Variants in TTN observed in about 807,000 individuals in gnomAD.
TTN encodes the protein titin.
In TTN, 1,525 loss-of-function variants were observed where a neutral mutation model predicts 3,223.0. The observed-to-expected ratio is 0.47, with a 90% confidence interval of 0.45 to 0.49. The LOEUF (loss-of-function observed/expected upper bound fraction) is 0.49. Among genes scored for constraint, TTN ranks in the 20% least tolerant of loss-of-function variants. The probability of loss-of-function intolerance (pLI) is 0.00; values close to 1 mark genes in which losing one functional copy is unlikely to be tolerated. For synonymous variants in TTN, 14,094 were observed against 15,161.0 expected, an observed-to-expected ratio of 0.93 and a Z score of 5.17; for missense variants, 40,786 against 43,424.0, an observed-to-expected ratio of 0.94 and a Z score of 5.40.
rs2092386861 is a variant in TTN, at chr2:178,777,797, G to C, written c.4387C>G (p.Pro1463Ala). The stretch of plus-strand genomic sequence containing the variant: ...CCTTCTAAACATTTGAAAGAAACAG[G>C]TTTTAACACAAAGACTGGTTTATAT... Reference protein sequence around the residue: ...RLYKPVFVLKPVSFKCLEGQT... With the variant: ...RLYKPVFVLKAVSFKCLEGQT... The change falls in exon 25 of 363, where the codon CCT becomes GCT. Residue 1463 changes from proline to alanine, a missense_variant. Physicochemically the swap from Pro to Ala is conservative, Grantham distance 27. Transcript: ENST00000589042. 2 of 1,613,978 alleles carry C rather than the reference G, an allele frequency of 1.2e-6. No homozygotes were observed. Among genetic ancestry groups the C allele is most frequent in the Non-Finnish European group, 1.7e-6 (2 of 1,179,930 alleles).
At chr2:178,680,919 G>T (rs1019408446) in intron 138 of TTN, among the ~76,000 whole-genome samples, 160 bp downstream of exon 138, 4 of 151,946 alleles carry the variant, frequency 2.6e-5, no homozygotes, top group South Asian at 4.2e-4. Context: ...CCTTTTAAAG[G>T]CATTATCTTC....
intron 218 of TTN, 196 bp downstream of exon 218, chr2:178,644,352 T>G: frequency 4.2e-6 from 2 of 475,296 alleles, no homozygotes; most frequent in Non-Finnish European, 7.3e-6. Flanking sequence ...TGTCTATACA[T>G]GTATGAAATG....
In TTN at chr2:178,553,350, A is replaced by G. The variant is rs1559217134; in HGVS notation, c.89550T>C (p.Ile29850=). The G allele has an allele frequency of 6.2e-7, 1 of 1,601,554 alleles. No homozygotes were observed. The highest frequency in any genetic ancestry group is 8.5e-7 in the Non-Finnish European group (1 of 1,176,052). ...DLDVALRTSV[I]AKAGEDVQVL... is the part of the protein sequence containing the mutation. ...CTTGTACATCTTCACCAGCTTTGGC[A>G]ATAACAGAAGTTCTGAGAGCCACAT... The change falls in exon 335 of 363, where the codon ATT becomes ATC. Residue 29850 remains isoleucine, a synonymous_variant. Coordinates refer to ENST00000589042, the MANE Select transcript of TTN (RefSeq NM_001267550.2).
intron 104 of TTN, 25 bp downstream of exon 104, chr2:178,704,852 T>G: frequency 6.2e-7 from 1 of 1,610,882 alleles, no homozygotes; most frequent in Non-Finnish European, 8.5e-7. Context: ...CTTGTTCATT[T>G]TATTATCAAC....
chr2:178,651,040 T>A (rs1056543625), intron 208 of TTN, among the ~76,000 whole-genome samples: 2 of 152,114 alleles, frequency 1.3e-5, no homozygotes, highest in Non-Finnish European at 1.5e-5. Context: ...GTTAGTAAAC[T>A]TTTCCAATGC....
In TTN at chr2:178,593,198, T is replaced by A. The variant is rs2050621372; in HGVS notation, c.59010A>T (p.Lys19670Asn). Reference protein sequence around the residue: ...IGIGDPSPPSKPVFAKDPIAK... With the variant: ...IGIGDPSPPSNPVFAKDPIAK... ...CAATTGGATCTTTAGCAAAGACTGGTTTGGATGGTGGGCTTGGATCTCCAA... is the reference window on the plus strand; with the variant it reads ...CAATTGGATCTTTAGCAAAGACTGGATTGGATGGTGGGCTTGGATCTCCAA... The change falls in exon 299 of 363, where the codon AAA (lysine) becomes AAT (asparagine). Residue 19670 changes from lysine to asparagine, a missense_variant. Physicochemically the swap from Lys to Asn is moderately conservative, Grantham distance 94. Coordinates refer to ENST00000589042, the MANE Select transcript of TTN (RefSeq NM_001267550.2). 6.2e-7 allele frequency: 1 copy of A among 1,613,350 alleles called. No individual in the cohort carries two copies.
At chr2:178,605,844 C>A in intron 278 of TTN, 131 bp from the exon 279 acceptor site, 1 of 850,188 alleles carries the variant, frequency 1.2e-6, no homozygotes, top group Non-Finnish European at 1.6e-6. Context: ...TATTTAAAAT[C>A]ATTCCTAAAA....
chr2:178,538,516 A>G, intron 354 of TTN, 24 bp downstream of exon 354: 1 of 1,582,276 alleles, frequency 6.3e-7, no homozygotes, highest in Non-Finnish European at 8.6e-7. Context: ...GTAAATCATA[A>G]GTAGAGAACC....
rs772598214 is a variant in TTN at position 178,549,754 on chromosome 2, G to A, written c.91968C>T (p.Ile30656=). ...NDGCAPITHY[I]IEKRETSRLA... Reference sequence around the variant, plus strand: ...GTCTGCTGGTTTCCCGTTTTTCAATGATGTAGTGGGTTATGGGAGCACAAC... The same window carrying A: ...GTCTGCTGGTTTCCCGTTTTTCAATAATGTAGTGGGTTATGGGAGCACAAC... Residue 30656 remains isoleucine, a synonymous_variant, in exon 338 of 363, where the codon ATC becomes ATT. Transcript: ENST00000589042. The A allele has an allele frequency of 3.1e-6, 5 of 1,613,604 alleles. No individual in the cohort carries two copies. The African/African-American group carries it at 5.3e-5, about 17-fold the overall frequency.
rs375396510 is a variant in TTN at position 178,724,551 on chromosome 2, G to A, written c.20837-13C>T. On this transcript the variant is annotated splice_polypyrimidine_tract_variant and intron_variant, in intron 71 of 362. Coordinates refer to ENST00000589042, the MANE Select transcript of TTN (RefSeq NM_001267550.2). Reference sequence around the variant, plus strand: ...ATGACTGCGGGCTCTGAAATAAAACGTGATATCCATCTGTCAAAGTCTGGG... The same window carrying A: ...ATGACTGCGGGCTCTGAAATAAAACATGATATCCATCTGTCAAAGTCTGGG... The A allele has an allele frequency of 8.9e-6, 14 of 1,565,102 alleles. No homozygotes were observed. The highest frequency in any genetic ancestry group is 8.2e-5 in the African/African-American group (6 of 73,318).
rs369261182 is a variant in TTN at position 178,535,756 on chromosome 2, C to G, written c.100859G>C (p.Ser33620Thr). 6.3e-5 allele frequency: 101 copies of G among 1,613,080 alleles called. No homozygotes were observed. The highest frequency in any genetic ancestry group is 8.1e-5 in the Non-Finnish European group (96 of 1,179,722). The change falls in exon 358 of 363, where the codon AGT becomes ACT. Residue 33620 changes from serine (S) to threonine (T), a missense_variant. Ser to Thr is a moderately conservative substitution (Grantham distance 58). Transcript: ENST00000589042. ...GEVVSIKIPF[S>T]GKPDPVITWQ... ...GGTGATCACAGGATCTGGTTTGCCA[C>G]TGAAAGGAATCTTGATGCTGACCAC...
Position 178,578,084 on chromosome 2 carries a change from C to T in TTN, c.68431G>A (p.Gly22811Ser). Residue 22811 changes from glycine (G) to serine (S), a missense_variant, in exon 322 of 363, where the codon GGT becomes AGT. Transcript: ENST00000589042. ...ATAACTCGGAATTCATATTCAAGAC[C>T]TTCAGTTAATCCTGTCACTTTAAAG... ...RDFKVTGLTE[G>S]LEYEFRVMAI... 1.9e-6 allele frequency: 3 copies of T among 1,613,278 alleles called. No individual in the cohort carries two copies. The highest frequency in any genetic ancestry group is 1.7e-6 in the Non-Finnish European group (2 of 1,179,462).
Position 178,557,631 on chromosome 2 carries a change from A to G in TTN, c.87706+17T>C, listed in dbSNP as rs765210625. 1.9e-6 allele frequency: 3 copies of G among 1,612,850 alleles called. No homozygotes were observed. The highest frequency in any genetic ancestry group is 2.5e-6 in the Non-Finnish European group (3 of 1,179,564). On this transcript the variant is annotated intron_variant, in intron 328 of 362. Coordinates refer to ENST00000589042, the MANE Select transcript of TTN (RefSeq NM_001267550.2). ...GGTAAAAGAAAACCTGGATCTTTGA[A>G]AAGTTGGACAACTTACTGTATGGTA...
intron 222 of TTN, 103 bp from the exon 223 acceptor site, chr2:178,639,891 A>T (rs2154237360): frequency 6.9e-7 from 1 of 1,443,442 alleles, no homozygotes; most frequent in East Asian, 2.3e-5. Context: ...AAATCTTCAA[A>T]TAACTAGTTT....
rs561992231 is a variant in TTN, at chr2:178,560,973, G to A, written c.85159C>T (p.Pro28387Ser). Residue 28387 changes from proline (P) to serine (S), a missense_variant, in exon 326 of 363, where the codon CCA (proline) becomes TCA (serine). By Grantham distance (74) the Pro-to-Ser change is moderately conservative. Coordinates refer to ENST00000589042, the MANE Select transcript of TTN (RefSeq NM_001267550.2). Reference sequence around the variant, plus strand: ...CCATCCTTGGCCCAGGAAATTACTGGCAGAGGTCGCCCTGCAATGTCTGCA... The same window carrying A: ...CCATCCTTGGCCCAGGAAATTACTGACAGAGGTCGCCCTGCAATGTCTGCA... ...INADIAGRPL[P>S]VISWAKDGIE... 7 of 1,613,696 alleles carry A rather than the reference G, an allele frequency of 4.3e-6. No individual in the cohort carries two copies. In the African/African-American group the frequency reaches 9.3e-5, roughly 22 times the overall value.
chr2:178,623,811 T>C (rs1412744206), intron 242 of TTN, among the ~76,000 whole-genome samples: 1 of 151,920 alleles, frequency 6.6e-6, no homozygotes, highest in East Asian at 1.9e-4. Flanking sequence ...TAAGCTAGTA[T>C]GTGGCATTTT....
Position 178,604,076 on chromosome 2 carries a change from T to A in TTN, c.54611A>T (p.Glu18204Val), listed in dbSNP as rs778173480. The change falls in exon 282 of 363, where the codon GAG becomes GTG. Residue 18204 changes from glutamate to valine, a missense_variant. Glu to Val is a moderately radical substitution (Grantham distance 121). Coordinates refer to ENST00000589042, the MANE Select transcript of TTN (RefSeq NM_001267550.2). The stretch of plus-strand genomic sequence containing the variant: ...ATAAGGACTTCCCTCTTCTCTTTTC[T>A]CCAGCCAGTAGCCAGTAATTGGAGA... Reference protein sequence around the residue: ...GGSPITGYWLEKREEGSPYWS... With the variant: ...GGSPITGYWLVKREEGSPYWS... The A allele has an allele frequency of 6.2e-7, 1 of 1,612,292 alleles. No individual in the cohort carries two copies. The highest frequency in any genetic ancestry group is 8.5e-7 in the Non-Finnish European group (1 of 1,179,132).
rs528138560 is a variant in TTN at position 178,530,100 on chromosome 2, C to T, written c.106391G>A (p.Gly35464Asp). 2 of 1,603,062 alleles carry T rather than the reference C, an allele frequency of 1.2e-6. No homozygotes were observed. Among genetic ancestry groups the T allele is most frequent in the East Asian group, 4.5e-5 (2 of 44,796 alleles). ...TKDGKAITQG[G>D]KYKLSEDKGG... ...CTTGTCTTCAGAGAGTTTATATTTA[C>T]CTCCTTGTGTAATGGCCTGTAGAAT... Residue 35464 changes from glycine (G) to aspartate (D), a missense_variant, in exon 359 of 363, where the codon GGT becomes GAT. Coordinates refer to ENST00000589042, the MANE Select transcript of TTN (RefSeq NM_001267550.2).
intron 68 of TTN, 46 bp downstream of exon 68, chr2:178,727,539 C>A (rs1211435713): frequency 9.8e-6 from 15 of 1,523,754 alleles, no homozygotes; most frequent in Non-Finnish European, 1.3e-5. Context: ...TACAGAGAAC[C>A]AAAGACACAG....
Sources: allele counts gnomAD v4.1 joint callset (sites outside exome capture counted in the v4.1 genomes callset), GRCh38; gene constraint gnomAD v4.1.1; transcripts MANE v1.5; gene names NCBI Gene and HGNC (gene_info 2026-07-23, HGNC 2026-07-21).